The following ADAMTS18 variants were observed in gnomAD, a reference collection of about 807,000 sequenced individuals.
The protein encoded by ADAMTS18 is ADAM metallopeptidase with thrombospondin type 1 motif 18.
ADAMTS18 carries 157 observed loss-of-function variants against 165.9 expected under a neutral mutation model. The ratio of observed to expected loss-of-function variants is 0.95; its 90% CI spans 0.83 to 1.08. ADAMTS18 has a LOEUF of 1.08. ADAMTS18 is among the 50% of genes least tolerant of loss of function. The probability of loss-of-function intolerance (pLI) is 0.00; values close to 1 mark genes in which losing one functional copy is unlikely to be tolerated. For missense variants in ADAMTS18, 2,040 were observed against 1,534.0 expected, an observed-to-expected ratio of 1.33 and a Z score of -5.51; for synonymous variants, 782 against 578.2, an observed-to-expected ratio of 1.35 and a Z score of -5.06.
chr16:77,325,657 A>G (rs2056080245), intron 13 of ADAMTS18, among the ~76,000 whole-genome samples: 1 of 150,894 alleles, frequency 6.6e-6, no homozygotes. Context: ...GATGTGGGAG[A>G]CAAGAGGTAT....
chr16:77,382,592 G>A (rs1229780336), intron 3 of ADAMTS18, among the ~76,000 whole-genome samples: 1 of 152,106 alleles, frequency 6.6e-6, no homozygotes, highest in African/African-American at 2.4e-5. Flanking sequence ...CTCAATCTAG[G>A]GAAGATGAAA....
chr16:77,373,541 T>C (rs997436980), intron 3 of ADAMTS18, among the ~76,000 whole-genome samples: 3 of 151,066 alleles, frequency 2.0e-5, no homozygotes, highest in East Asian at 3.9e-4. Context: ...AATGATATAA[T>C]GGATTATGAA....
At chr16:77,356,984 AAT>A (rs1491551218) in intron 8 of ADAMTS18, among the ~76,000 whole-genome samples, 7 of 115,912 alleles carry the variant, frequency 6.0e-5, no homozygotes, top group African/African-American at 2.2e-4. Context: ...TCTTTTCTGA[AAT>A]TTTTTTTTTT....
chr16:77,371,441 A>C (rs1179379360), intron 3 of ADAMTS18, among the ~76,000 whole-genome samples: 2 of 152,088 alleles, frequency 1.3e-5, no homozygotes, highest in Non-Finnish European at 2.9e-5. Context: ...AGACACATAA[A>C]ACAACAGAAC....
chr16:77,329,507 C>G (rs750337602), intron 12 of ADAMTS18, among the ~76,000 whole-genome samples: 2 of 152,188 alleles, frequency 1.3e-5, no homozygotes, highest in Non-Finnish European at 2.9e-5. Context: ...TGACAATTAA[C>G]TGATCCAACC....
Position 77,434,806 on chromosome 16 carries a change from A to G in ADAMTS18, c.-111T>C, listed in dbSNP as rs1306819620. 9 of 910,184 alleles carry G rather than the reference A, an allele frequency of 9.9e-6. No individual in the cohort carries two copies. Among genetic ancestry groups the G allele is most frequent in the African/African-American group, 1.8e-5 (1 of 56,496 alleles). The allele number at this position is 910,184 out of a possible 1,614,324, so 56.4% of individuals were successfully genotyped here. On this transcript the variant is annotated 5_prime_UTR_variant, in exon 1 of 23. Coordinates refer to ENST00000282849, the MANE Select transcript of ADAMTS18 (RefSeq NM_199355.4). ...AGCTCGGCGCCCCAGGTGCGGCTCCAGGTGAGAGCCGCCGCCGTTCACATC... is the reference window on the plus strand; with the variant it reads ...AGCTCGGCGCCCCAGGTGCGGCTCCGGGTGAGAGCCGCCGCCGTTCACATC...
At chr16:77,284,947 T>G (rs2055219653) in intron 22 of ADAMTS18, among the ~76,000 whole-genome samples, 3 of 151,118 alleles carry the variant, frequency 2.0e-5, no homozygotes, top group African/African-American at 7.4e-5. Flanking sequence ...AAGCCGGGTC[T>G]CCAACAGTCT....
chr16:77,411,355 A>C (rs1009241293), intron 3 of ADAMTS18, among the ~76,000 whole-genome samples: 2 of 152,226 alleles, frequency 1.3e-5, no homozygotes. Context: ...GCCTTTTTGC[A>C]GGACCACTAG....
intron 3 of ADAMTS18, among the ~76,000 whole-genome samples, chr16:77,370,708 C>T (rs2056864052): frequency 6.6e-6 from 1 of 151,934 alleles, no homozygotes; most frequent in South Asian, 2.1e-4. Flanking sequence ...AGAGATCATG[C>T]CACTGCACTC....
intron 12 of ADAMTS18, among the ~76,000 whole-genome samples, chr16:77,328,214 A>C (rs543385329): frequency 1.3e-5 from 2 of 152,300 alleles, no homozygotes; most frequent in East Asian, 3.9e-4. Context: ...CACCACATTG[A>C]AAATTACGCA....
At chr16:77,286,314 C>T (rs2055250066) in intron 22 of ADAMTS18, among the ~76,000 whole-genome samples, 1 of 152,122 alleles carries the variant, frequency 6.6e-6, no homozygotes, top group Non-Finnish European at 1.5e-5. Context: ...CCCTTCACCC[C>T]TGCTACTTTA....
intron 7 of ADAMTS18, 33 bp downstream of exon 7, chr16:77,362,072 C>G: frequency 6.2e-7 from 1 of 1,612,808 alleles, no homozygotes; most frequent in Non-Finnish European, 8.5e-7. Context: ...TTTCAGCTAA[C>G]AGGTGTGTGT....
rs190390379 is a variant in ADAMTS18 at position 77,298,544 on chromosome 16, C to A, written c.2675-1129G>T. ...CGATGGCTCACACTGATAATCCCAG[C>A]ACTTTGGGAGGTCAAGGAAGGCGGA... On this transcript the variant is annotated intron_variant, in intron 17 of 22. Coordinates refer to ENST00000282849, the MANE Select transcript of ADAMTS18 (RefSeq NM_199355.4). Among the ~76,000 whole-genome samples, 95 of 152,220 alleles carry A rather than the reference C, an allele frequency of 6.2e-4. No homozygotes were observed. In the East Asian group the frequency reaches 0.017, roughly 28 times the overall value.
At chr16:77,393,804 G>A (rs2057221921) in intron 3 of ADAMTS18, among the ~76,000 whole-genome samples, 7 of 152,210 alleles carry the variant, frequency 4.6e-5, no homozygotes, top group Admixed American at 3.9e-4. Context: ...ACTTCTGTGG[G>A]CTGGGCCCAT....
At chr16:77,371,394 C>G (rs2056874289) in intron 3 of ADAMTS18, among the ~76,000 whole-genome samples, 1 of 151,992 alleles carries the variant, frequency 6.6e-6, no homozygotes, top group African/African-American at 2.4e-5. Context: ...TACTAGAAAG[C>G]TACAGTAACC....
At chr16:77,285,287 G>A (rs762988480) in intron 22 of ADAMTS18, among the ~76,000 whole-genome samples, 10 of 152,020 alleles carry the variant, frequency 6.6e-5, no homozygotes, top group Non-Finnish European at 1.2e-4. Context: ...GTTCTCCTGC[G>A]TAAGCCTCCT....
chr16:77,363,088 A>G (rs1172983720), intron 6 of ADAMTS18, among the ~76,000 whole-genome samples: 1 of 152,218 alleles, frequency 6.6e-6, no homozygotes, highest in Non-Finnish European at 1.5e-5. Flanking sequence ...GAAGAGGAAA[A>G]GCCTCGGGGG....
intron 4 of ADAMTS18, among the ~76,000 whole-genome samples, chr16:77,366,452 G>C (rs893014645): frequency 6.6e-6 from 1 of 152,162 alleles, no homozygotes; most frequent in Non-Finnish European, 1.5e-5. Flanking sequence ...CACCTAGTAG[G>C]GAGTCTGAGG....
chr16:77,381,903 C>T (rs886966295), intron 3 of ADAMTS18, among the ~76,000 whole-genome samples: 1 of 152,174 alleles, frequency 6.6e-6, no homozygotes, highest in African/African-American at 2.4e-5. Context: ...ACTGAGAAAG[C>T]TTCCCCCATG....
Sources: allele counts gnomAD v4.1 joint callset (sites outside exome capture counted in the v4.1 genomes callset), GRCh38; gene constraint gnomAD v4.1.1; transcripts MANE v1.5; gene names NCBI Gene and HGNC (gene_info 2026-07-23, HGNC 2026-07-21).